Variants in FUS observed in about 807,000 individuals in gnomAD.
FUS encodes FUS RNA binding protein.
A neutral mutation model predicts 82.7 loss-of-function variants in FUS; 5 were observed. The observed-to-expected ratio is 0.06, with a 90% CI of 0.03 to 0.13. FUS has a LOEUF of 0.13. FUS is among the 10% of genes least tolerant of loss of function. The pLI is 1.00. For synonymous variants in FUS, 281 were observed against 247.4 expected, an observed-to-expected ratio of 1.14 and a Z score of -1.27; for missense variants, 512 against 707.8, an observed-to-expected ratio of 0.72 and a Z score of 3.14.
chr16:31,188,806 C>T (rs1224017211), intron 8 of FUS: 8 of 470,522 alleles, frequency 1.7e-5, no homozygotes, highest in Admixed American at 7.8e-5. Flanking sequence ...TTATTTAATT[C>T]GGGGACCTTC....
chr16:31,193,611 C>T (rs1449447727), downstream of FUS: 9 of 529,464 alleles, frequency 1.7e-5, no homozygotes, highest in African/African-American at 1.5e-4. Context: ...ATGTGATTGG[C>T]CTTGACCTTA....
chr16:31,182,498 T>G lies in FUS; in HGVS notation c.39-15T>G. The G allele has an allele frequency of 1.2e-6, 2 of 1,614,060 alleles. No individual in the cohort carries two copies. The highest frequency in any genetic ancestry group is 1.7e-6 in the Non-Finnish European group (2 of 1,180,010). Reference sequence around the variant, plus strand: ...CGCCATGTTTTCTGATCACGCTGGTTTTCCTTTTATTTAGCTATGGGGCCT... The same window carrying G: ...CGCCATGTTTTCTGATCACGCTGGTGTTCCTTTTATTTAGCTATGGGGCCT... On this transcript the variant is annotated splice_polypyrimidine_tract_variant and intron_variant, in intron 2 of 14. Coordinates refer to ENST00000254108, the MANE Select transcript of FUS (RefSeq NM_004960.4).
intron 8 of FUS, 98 bp from the exon 9 acceptor site, chr16:31,189,025 T>C: frequency 1.1e-6 from 1 of 881,240 alleles, no homozygotes; most frequent in Non-Finnish European, 1.9e-6. Flanking sequence ...ATAAACCAAA[T>C]GATACCAGTT....
chr16:31,182,116 A>G, intron 1 of FUS: 1 of 437,152 alleles, frequency 2.3e-6, no homozygotes. Flanking sequence ...TCACCTCCCG[A>G]GTAGCTGGGA....
At chr16:31,192,769 C>G (rs1452408375), downstream of FUS, 1 of 480,472 alleles carries the variant, frequency 2.1e-6, no homozygotes, top group African/African-American at 2.0e-5. Flanking sequence ...TGTGGTTTCA[C>G]TGTGTTGGCC....
At chr16:31,182,474 G>A (rs1411941071) in intron 2 of FUS, 39 bp from the exon 3 acceptor site, 3 of 1,614,182 alleles carry the variant, frequency 1.9e-6, no homozygotes, top group Non-Finnish European at 2.5e-6. Flanking sequence ...GGGTGGTCAC[G>A]CCATGTTTTC....
intron 10 of FUS, 108 bp from the exon 11 acceptor site, chr16:31,189,932 T>G: frequency 6.4e-7 from 1 of 1,569,370 alleles, no homozygotes; most frequent in Non-Finnish European, 8.7e-7. Flanking sequence ...TCATTTTTGC[T>G]TATGTGTCAG....
At chr16:31,183,123 C>T (rs2079206372) in intron 3 of FUS, 1 of 235,386 alleles carries the variant, frequency 4.2e-6, no homozygotes, top group Non-Finnish European at 8.5e-6. Flanking sequence ...CTTTACAGGG[C>T]ATTGTGGCAC....
intron 6 of FUS, 130 bp from the exon 7 acceptor site, chr16:31,186,671 AT>A: frequency 1.2e-6 from 1 of 807,834 alleles, no homozygotes; most frequent in East Asian, 2.5e-5. Context: ...GAAGGGATGT[AT>A]TTTAGTAGCC....
upstream of FUS, chr16:31,180,115 A>G: frequency 1.3e-6 from 2 of 1,532,436 alleles, no homozygotes; most frequent in East Asian, 2.4e-5. Context: ...AGCGTACTTA[A>G]GCTTCGACGC....
chr16:31,184,326 C>A lies in FUS; in HGVS notation c.453C>A (p.Pro151=), dbSNP rs908499414. Residue 151 remains proline, a synonymous_variant, in exon 5 of 15, where the codon CCC becomes CCA. Coordinates refer to ENST00000254108, the MANE Select transcript of FUS (RefSeq NM_004960.4). ...ATGGACAGCAGCAAAGCTATAATCCCCCTCAGGGCTATGGACAGCAGAACC... is the reference window on the plus strand; with the variant it reads ...ATGGACAGCAGCAAAGCTATAATCCACCTCAGGGCTATGGACAGCAGAACC... ...QSYGQQQSYN[P]PQGYGQQNQY... 1.2e-6 allele frequency: 2 copies of A among 1,614,036 alleles called. No individual in the cohort carries two copies. The highest frequency in any genetic ancestry group is 2.2e-5 in the East Asian group (1 of 44,906).
At position 31,184,175 on chromosome 16, in the gene FUS, G is replaced by A. The variant is rs547867244; in HGVS notation, c.336-34G>A. 5 of 1,614,160 alleles carry A rather than the reference G, an allele frequency of 3.1e-6. 1 individual carries two copies. Among genetic ancestry groups the A allele is most frequent in the East Asian group, 4.5e-5 (2 of 44,884 alleles). ...GAAAGGAAATTGGGGGCTATGCTGG[G>A]ATTGTGATTGTGTTTTTTGTTTGTT... On this transcript the variant is annotated intron_variant, in intron 4 of 14. Transcript: ENST00000254108.
chr16:31,187,251 T>A (rs1298507874), intron 7 of FUS: 1 of 304,982 alleles, frequency 3.3e-6, no homozygotes, highest in African/African-American at 2.0e-5. Context: ...ACTCCGAATG[T>A]TTAATTCTGG....
At chr16:31,184,903 G>GA in intron 5 of FUS, 36 bp from the exon 6 acceptor site, 3 of 1,266,090 alleles carry the variant, frequency 2.4e-6, no homozygotes. Context: ...CAATCTTTTT[G>GA]TTTTTTTTTT....
At chr16:31,194,079 G>C, downstream of FUS, 1 of 534,298 alleles carries the variant, frequency 1.9e-6, no homozygotes, top group Non-Finnish European at 3.6e-6. Flanking sequence ...AGGTCTGTTT[G>C]TCCCTTCCTT....
chr16:31,191,229 AC>A, intron 14 of FUS, 119 bp downstream of exon 14: 1 of 1,493,678 alleles, frequency 6.7e-7, no homozygotes, highest in Non-Finnish European at 9.2e-7. Context: ...TGAGGTTGTA[AC>A]CAGTAGTGGA....
At chr16:31,189,460 C>T (rs2079319661) in intron 9 of FUS, among the ~76,000 whole-genome samples, 1 of 152,112 alleles carries the variant, frequency 6.6e-6, no homozygotes, top group Non-Finnish European at 1.5e-5. Flanking sequence ...GATTTGTACT[C>T]TATAGTAACT....
intron 3 of FUS, chr16:31,183,142 T>C (rs2079206709): frequency 9.4e-6 from 2 of 212,750 alleles, no homozygotes; most frequent in African/African-American, 4.7e-5. Flanking sequence ...ACACCTGTAG[T>C]CCCAGCTACT....
Position 31,183,743 on chromosome 16 carries a change from A to G in FUS, c.191-115A>G, listed in dbSNP as rs2079215741. The G allele has an allele frequency of 2.7e-5, 36 of 1,312,058 alleles. 2 individuals are homozygous for G. The South Asian group carries it at 4.0e-4, about 15-fold the overall frequency. 81.3% of individuals were successfully genotyped at this position (1,312,058 alleles called of 1,614,324 possible). On this transcript the variant is annotated intron_variant, in intron 3 of 14. Coordinates refer to ENST00000254108, the MANE Select transcript of FUS (RefSeq NM_004960.4). ...TTTGCCTATGAGTTGCAACATCACT[A>G]ACAGCTTCTGAGAGGCTGGCTTTAT...
Sources: gnomAD v4.1 joint callset for allele counts (sites outside exome capture counted in the v4.1 genomes callset) on GRCh38, gnomAD v4.1.1 for gene constraint, MANE v1.5 for transcripts, NCBI Gene and HGNC (gene_info 2026-07-23, HGNC 2026-07-21) for gene names.